The following ZNF800 variants were observed in gnomAD, a reference collection of about 807,000 sequenced individuals.
ZNF800 encodes zinc finger protein 800.
Under a neutral mutation model 59.5 loss-of-function variants are expected in ZNF800, and 13 were observed. The observed-to-expected ratio is 0.22, with a 90% confidence interval of 0.14 to 0.35. The LOEUF (loss-of-function observed/expected upper bound fraction) is 0.35. ZNF800 is among the 10% of genes least tolerant of loss of function. ZNF800 has a pLI of 1.00. For synonymous variants in ZNF800, 266 were observed against 265.7 expected, an observed-to-expected ratio of 1.00 and a Z score of -0.01; for missense variants, 621 against 783.7, an observed-to-expected ratio of 0.79 and a Z score of 2.48.
intron 5 of ZNF800, 48 bp from the exon 6 acceptor site, chr7:127,371,862 A>G (rs1235150348): frequency 1.4e-6 from 1 of 735,106 alleles, no homozygotes; most frequent in Non-Finnish European, 2.5e-6. Flanking sequence ...TACTAATAAA[A>G]CCTAGTTTTT....
chr7:127,374,544 A>C lies in ZNF800; in HGVS notation c.792T>G (p.Ile264Met), dbSNP rs1800731650. 3 of 1,614,134 alleles carry C rather than the reference A, an allele frequency of 1.9e-6. No individual in the cohort carries two copies. The highest frequency in any genetic ancestry group is 2.5e-6 in the Non-Finnish European group (3 of 1,179,988). The change falls in exon 5 of 6, where the codon ATT becomes ATG. Residue 264 changes from isoleucine (I) to methionine (M), a missense_variant. Coordinates refer to ENST00000265827, the MANE Select transcript of ZNF800 (RefSeq NM_176814.5). ...ATTGGTTTGGATTCTTTCGTGTTTC[A>C]ATGTACTTTTTTAGTTCTTCCATCT... ...KKKMEELKKY[I>M]ETRKNPNQSS...
chr7:127,345,615 G>T (rs1160780858), downstream of ZNF800, among the ~76,000 whole-genome samples: 1 of 152,180 alleles, frequency 6.6e-6, no homozygotes, highest in East Asian at 1.9e-4. Flanking sequence ...CTGCATTCGA[G>T]TGGGCAATAA....
In ZNF800 at chr7:127,358,763, C is replaced by G. The variant is rs1053885658; in HGVS notation, n.225-10720G>C. Among the ~76,000 whole-genome samples, 3 of 152,236 alleles carry G rather than the reference C, an allele frequency of 2.0e-5. No individual in the cohort carries two copies. In the South Asian group the frequency reaches 6.2e-4, roughly 32 times the overall value. On this transcript the variant is annotated intron_variant and non_coding_transcript_variant, in intron 1 of 1. Coordinates refer to the ZNF800 transcript ENST00000485577. ...TCCTTATAATGTATTCCTCTTCCAT[C>G]ATACTTGAAGAGGAACTGCATTGCT...
chr7:127,374,685 G>A lies in ZNF800; in HGVS notation c.651C>T (p.Asp217=). The A allele has an allele frequency of 6.2e-7, 1 of 1,613,940 alleles. No individual in the cohort carries two copies. The highest frequency in any genetic ancestry group is 8.5e-7 in the Non-Finnish European group (1 of 1,179,896). ...AATCAGAATTGTCAGAAGTTTCCAA[G>A]TCAGCCTGCGACTCCTGAGGTTGTT... is the stretch of plus-strand genomic sequence containing the variant. ...SDEQPQESQA[D]LETSDNSDFG... The change falls in exon 5 of 6, where the codon GAC becomes GAT. Residue 217 remains aspartate (D), a synonymous_variant. Coordinates refer to ENST00000265827, the MANE Select transcript of ZNF800 (RefSeq NM_176814.5).
intron 1 of ZNF800, among the ~76,000 whole-genome samples, chr7:127,352,532 GCTTA>G (rs1342287854): frequency 6.6e-6 from 1 of 152,130 alleles, no homozygotes; most frequent in Admixed American, 6.5e-5. Context: ...CACTACCAGA[GCTTA>G]CTGACACTGG....
rs896283543 is a variant in ZNF800 at position 127,392,285 on chromosome 7, T to TGCG, written c.-287_-285dup. 148 of 390,912 alleles carry TGCG rather than the reference T, an allele frequency of 3.8e-4. No homozygotes were observed. The highest frequency in any genetic ancestry group is 3.0e-3 in the East Asian group (83 of 27,520). The allele number at this position is 390,912 out of a possible 1,614,324, so 24.2% of individuals were successfully genotyped here. ...ACGTCCCTCCGCGGGCCGAGACGAC[T>TGCG]GCGGCGGCGGCTCACGGCGTCCTCC... On this transcript the variant is annotated 5_prime_UTR_variant, in exon 1 of 6. Coordinates refer to ENST00000265827, the MANE Select transcript of ZNF800 (RefSeq NM_176814.5).
intron 5 of ZNF800, chr7:127,372,599 A>C: frequency 3.1e-6 from 3 of 983,574 alleles, no homozygotes; most frequent in Non-Finnish European, 3.6e-6. Context: ...TGTTAAAATG[A>C]TCACCAAAAA....
intron 4 of ZNF800, 111 bp from the exon 5 acceptor site, chr7:127,375,145 TTA>T (rs1800755994): frequency 1.1e-6 from 1 of 875,328 alleles, no homozygotes; most frequent in Non-Finnish European, 1.6e-6. Context: ...TATTACCAGT[TTA>T]TTTTTATAAG....
At chr7:127,382,446 G>T (rs972757721) in intron 3 of ZNF800, among the ~76,000 whole-genome samples, 1 of 152,176 alleles carries the variant, frequency 6.6e-6, no homozygotes, top group Non-Finnish European at 1.5e-5. Flanking sequence ...AAAGAGGAAG[G>T]AAGATAAACT....
intron 1 of ZNF800, among the ~76,000 whole-genome samples, chr7:127,358,064 G>A (rs141270059): frequency 5.0e-4 from 76 of 151,892 alleles, no homozygotes; most frequent in Non-Finnish European, 7.4e-5. Flanking sequence ...TCTAGCCCCT[G>A]GGCAATTTCT....
intron 1 of ZNF800, among the ~76,000 whole-genome samples, chr7:127,354,353 T>C (rs967915005): frequency 9.2e-5 from 14 of 152,140 alleles, no homozygotes; most frequent in Non-Finnish European, 1.9e-4. Flanking sequence ...AATAATTTAA[T>C]ACTCTGTCCA....
rs147944401 is a variant in ZNF800, at chr7:127,375,015, A to C, written c.321T>G (p.Asp107Glu). ...GATCATTTATGGCTTGGCTTTGTTTATCATTTACATCAGGAAGGTCTGTTA... is the reference window on the plus strand; with the variant it reads ...GATCATTTATGGCTTGGCTTTGTTTCTCATTTACATCAGGAAGGTCTGTTA... ...QMDDNLPDVN[D>E]KQSQAINDLL... is the part of the protein sequence containing the mutation. Residue 107 changes from aspartate to glutamate, a missense_variant, in exon 5 of 6, where the codon GAT becomes GAG. Transcript: ENST00000265827. 15 of 1,584,440 alleles carry C rather than the reference A, an allele frequency of 9.5e-6. No homozygotes were observed. The highest frequency in any genetic ancestry group is 1.3e-5 in the Non-Finnish European group (15 of 1,167,598).
downstream of ZNF800, among the ~76,000 whole-genome samples, chr7:127,344,906 A>ACCCAG (rs1800029937): frequency 6.6e-6 from 1 of 152,206 alleles, no homozygotes; most frequent in Non-Finnish European, 1.5e-5. Context: ...ATATTTATAT[A>ACCCAG]ACACTGGGAA....
At chr7:127,375,973 C>A (rs1314060181) in intron 4 of ZNF800, among the ~76,000 whole-genome samples, 3 of 151,884 alleles carry the variant, frequency 2.0e-5, no homozygotes, top group Non-Finnish European at 4.4e-5. Context: ...ACACAGTAAT[C>A]TAGCAAATCC....
At chr7:127,350,066 T>C (rs189007424) in intron 1 of ZNF800, 2 of 152,316 alleles carry the variant, frequency 1.3e-5, no homozygotes, top group South Asian at 2.1e-4. Flanking sequence ...TTACTCGCCA[T>C]TGTCGTGTCA....
Position 127,392,281 on chromosome 7 carries a change from C to A in ZNF800, c.-280G>T. On this transcript the variant is annotated 5_prime_UTR_variant, in exon 1 of 6. Coordinates refer to ENST00000265827, the MANE Select transcript of ZNF800 (RefSeq NM_176814.5). ...CACCACGTCCCTCCGCGGGCCGAGA[C>A]GACTGCGGCGGCGGCTCACGGCGTC... is the stretch of plus-strand genomic sequence containing the variant. The A allele has an allele frequency of 2.6e-6, 1 of 391,628 alleles. No homozygotes were observed. The allele number at this position is 391,628 out of a possible 1,614,324, so 24.3% of individuals were successfully genotyped here. A position where few individuals can be genotyped will look rare whatever the true frequency, so the allele number is the denominator to read the frequency against.
chr7:127,361,726 G>A (rs1055918985), intron 1 of ZNF800: 15 of 151,896 alleles, frequency 9.9e-5, no homozygotes, highest in African/African-American at 3.4e-4. Context: ...GAATAAATGA[G>A]TGAATGGAAT....
chr7:127,379,281 A>T lies in ZNF800; in HGVS notation c.158-1952T>A, dbSNP rs1027132594. On this transcript the variant is annotated intron_variant, in intron 3 of 5. Transcript: ENST00000265827. ...AACTATGAGAGGTAGACTGATTTTA[A>T]AAAATGCTTTGGCTAAGCCTAATTG... 1.6e-4 allele frequency among the ~76,000 whole-genome samples: 24 copies of T among 152,296 alleles called. 1 individual carries two copies. The highest frequency in any genetic ancestry group is 8.8e-5 in the Non-Finnish European group (6 of 68,006).
rs10247678 is a variant in ZNF800 at position 127,352,366 on chromosome 7, A to T, written n.225-4323T>A. ...ATTCTAATAGAAAAAAAGTATCAAA[A>T]GAGAAAGTCTATAATACCTCTGTAA... On this transcript the variant is annotated intron_variant and non_coding_transcript_variant, in intron 1 of 1. Coordinates refer to the ZNF800 transcript ENST00000485577. Among the ~76,000 whole-genome samples the T allele has an allele frequency of 1.3e-3, 194 of 151,906 alleles. 1 individual carries two copies. The highest frequency in any genetic ancestry group is 4.5e-3 in the African/African-American group (187 of 41,384).
Sources: allele counts gnomAD v4.1 joint callset (sites outside exome capture counted in the v4.1 genomes callset), GRCh38; gene constraint gnomAD v4.1.1; transcripts MANE v1.5; gene names NCBI Gene and HGNC (gene_info 2026-07-23, HGNC 2026-07-21).